The following MAPK12 variants were observed in gnomAD, a reference collection of about 807,000 sequenced individuals.
The protein encoded by MAPK12 is mitogen-activated protein kinase 12.
MAPK12 carries 49 observed loss-of-function variants against 49.1 expected under a neutral mutation model. That is an observed-to-expected ratio of 1.00 (90% CI 0.79 to 1.27). The LOEUF (loss-of-function observed/expected upper bound fraction) is 1.27, where lower values mean the gene tolerates loss of function less well. Among genes scored for constraint, MAPK12 ranks in the 50% most tolerant of loss-of-function variants. The probability of loss-of-function intolerance (pLI) is 0.00; values close to 1 mark genes in which losing one functional copy is unlikely to be tolerated. For missense variants in MAPK12, 554 were observed against 502.4 expected (o/e 1.10, Z -0.98); for synonymous variants, 251 against 209.7 (o/e 1.20, Z -1.70).
intron 2 of MAPK12, among the ~76,000 whole-genome samples, chr22:50,258,950 T>G (rs1462757015): frequency 6.6e-6 from 1 of 152,046 alleles, no homozygotes; most frequent in Non-Finnish European, 1.5e-5. Flanking sequence ...CTTGGATAGT[T>G]TGAAGAATAC....
At chr22:50,254,972 TC>T (rs766927167) in intron 11 of MAPK12, 2 of 1,426,560 alleles carry the variant, frequency 1.4e-6, no homozygotes, top group Non-Finnish European at 1.8e-6. Flanking sequence ...TGCCCTGACC[TC>T]CCATCCTCCT....
chr22:50,257,667 C>T (rs1027567405), intron 3 of MAPK12: 11 of 590,394 alleles, frequency 1.9e-5, no homozygotes, highest in African/African-American at 7.5e-5. Context: ...TCGGCTGGGC[C>T]GGTGGAGACA....
At chr22:50,259,649 G>A (rs538509807) in intron 2 of MAPK12, among the ~76,000 whole-genome samples, 44 of 152,232 alleles carry the variant, frequency 2.9e-4, no homozygotes, top group African/African-American at 9.9e-4. Flanking sequence ...TTGGGAAGCC[G>A]AGGCGAGCAG....
chr22:50,260,478 A>C (rs1043753581), intron 2 of MAPK12, among the ~76,000 whole-genome samples: 1 of 152,096 alleles, frequency 6.6e-6, no homozygotes, highest in African/African-American at 2.4e-5. Flanking sequence ...TCGGGTTCTT[A>C]GCAGCCAGCC....
Position 50,253,030 on chromosome 22 carries a change from C to G in MAPK12, c.*371G>C. The G allele has an allele frequency of 3.0e-6, 1 of 335,846 alleles. No individual in the cohort carries two copies. The highest frequency in any genetic ancestry group is 5.7e-6 in the Non-Finnish European group (1 of 174,130). 20.8% of individuals were successfully genotyped at this position (335,846 alleles called of 1,614,324 possible). On this transcript the variant is annotated 3_prime_UTR_variant, in exon 12 of 12. Transcript: ENST00000215659. Reference sequence around the variant, plus strand: ...GAGAGGGGATGTCCCTGAGTTGGTGCCCTGCGCCCACCCTCTGTCCTTCCT... The same window carrying G: ...GAGAGGGGATGTCCCTGAGTTGGTGGCCTGCGCCCACCCTCTGTCCTTCCT...
chr22:50,256,852 A>G, intron 5 of MAPK12, 83 bp downstream of exon 5: 5 of 1,562,596 alleles, frequency 3.2e-6, no homozygotes, highest in Non-Finnish European at 4.3e-6. Context: ...CCCAGACCCC[A>G]TCACATCCTC....
chr22:50,254,218 A>G (rs1017022293), intron 11 of MAPK12: 2 of 152,844 alleles, frequency 1.3e-5, no homozygotes, highest in Non-Finnish European at 2.9e-5. Flanking sequence ...AGTTGAGGGG[A>G]TAGCCCCTGG....
At chr22:50,257,736 T>G (rs2065164965) in intron 3 of MAPK12, 1 of 644,842 alleles carries the variant, frequency 1.6e-6, no homozygotes, top group Admixed American at 2.5e-5. Context: ...CCTCTGCAAG[T>G]CAGGCGGGAG....
chr22:50,261,123 G>A (rs1186701126), intron 2 of MAPK12, 44 bp downstream of exon 2: 3 of 1,528,172 alleles, frequency 2.0e-6, no homozygotes, highest in Non-Finnish European at 2.6e-6. Context: ...GCTGAACCAA[G>A]CCGAGGCCGC....
At chr22:50,259,839 G>A (rs1364222593) in intron 2 of MAPK12, among the ~76,000 whole-genome samples, 1 of 151,608 alleles carries the variant, frequency 6.6e-6, no homozygotes, top group Admixed American at 6.6e-5. Flanking sequence ...AGCTGAGATC[G>A]TGCCATTGCA....
Position 50,261,436 on chromosome 22 carries a change from G to A in MAPK12, c.74C>T (p.Ala25Val), listed in dbSNP as rs1183544107. The A allele has an allele frequency of 1.6e-6, 2 of 1,275,394 alleles. No individual in the cohort carries two copies. Among genetic ancestry groups the A allele is most frequent in the Non-Finnish European group, 2.0e-6 (2 of 987,992 alleles). The allele number at this position is 1,275,394 out of a possible 1,614,324, so 79.0% of individuals were successfully genotyped here. A position where few individuals can be genotyped will look rare whatever the true frequency, so the allele number is the denominator to read the frequency against. The change falls in exon 1 of 12, where the codon GCC (alanine) becomes GTC (valine). Residue 25 changes from alanine (A) to valine (V), a missense_variant. Ala to Val is a moderately conservative substitution (Grantham distance 64). Transcript: ENST00000215659. The stretch of plus-strand genomic sequence containing the variant: ...CACGGGCTGCAGGTCCCGGTACACG[G>A]CGCGCACCTCCCAGGCCGTCTTGGT... ...EVTKTAWEVR[A>V]VYRDLQPVGS...
At position 50,253,036 on chromosome 22, in the gene MAPK12, G is replaced by A. The variant is rs562079602; in HGVS notation, c.*365C>T. The A allele has an allele frequency of 2.9e-5, 10 of 340,944 alleles. 1 individual carries two copies. Among genetic ancestry groups the A allele is most frequent in the Non-Finnish European group, 5.1e-5 (9 of 177,280 alleles). 21.1% of individuals were successfully genotyped at this position (340,944 alleles called of 1,614,324 possible). A position where few individuals can be genotyped will look rare whatever the true frequency, so the allele number is the denominator to read the frequency against. On this transcript the variant is annotated 3_prime_UTR_variant, in exon 12 of 12. Coordinates refer to ENST00000215659, the MANE Select transcript of MAPK12 (RefSeq NM_002969.6). Reference sequence around the variant, plus strand: ...GGATGTCCCTGAGTTGGTGCCCTGCGCCCACCCTCTGTCCTTCCTCTGCAT... The same window carrying A: ...GGATGTCCCTGAGTTGGTGCCCTGCACCCACCCTCTGTCCTTCCTCTGCAT...
intron 11 of MAPK12, chr22:50,254,910 A>C: frequency 1.5e-6 from 2 of 1,308,244 alleles, no homozygotes; most frequent in Non-Finnish European, 2.0e-6. Flanking sequence ...CCTTCCCTTC[A>C]ACTTCCAGCT....
intron 2 of MAPK12, among the ~76,000 whole-genome samples, chr22:50,258,522 G>A (rs2065176534): frequency 6.6e-6 from 1 of 152,256 alleles, no homozygotes; most frequent in Admixed American, 6.5e-5. Context: ...CCCACAGAAA[G>A]GTTATTTTTG....
At chr22:50,253,502 G>GGGGGGGGTA in intron 11 of MAPK12, 22 bp from the exon 12 acceptor site, 1 of 171,686 alleles carries the variant, frequency 5.8e-6, no homozygotes. Flanking sequence ...GGGGGGGCGG[G>GGGGGGGGTA]CACAACAGAG....
intron 7 of MAPK12, 32 bp from the exon 8 acceptor site, chr22:50,255,913 C>T (rs779972826): frequency 6.2e-7 from 1 of 1,601,554 alleles, no homozygotes; most frequent in Non-Finnish European, 8.5e-7. Context: ...GCTCCGTGGG[C>T]AGGGGGACAG....
chr22:50,256,992 T>C lies in MAPK12; in HGVS notation c.427-28A>G, dbSNP rs562124905. On this transcript the variant is annotated intron_variant, in intron 4 of 11. Transcript: ENST00000215659. The stretch of plus-strand genomic sequence containing the variant: ...GCGGGGGGCAGAGGATTTGGCAGGC[T>C]TCAGCGCACCCTCTCAGAGCCACAG... The C allele has an allele frequency of 3.7e-5, 59 of 1,605,814 alleles. 1 individual carries two copies. In the Admixed American group the frequency reaches 9.5e-4, roughly 26 times the overall value.
At chr22:50,257,986 G>A (rs1164805789) in intron 3 of MAPK12, 2 of 750,744 alleles carry the variant, frequency 2.7e-6, no homozygotes, top group African/African-American at 1.7e-5. Flanking sequence ...CACCTCCGGT[G>A]CTGGAGAGGG....
rs1192694720 is a variant in MAPK12 at position 50,256,191 on chromosome 22, G to A, written c.513C>T (p.Asp171=). Residue 171 remains aspartate, a synonymous_variant, in exon 7 of 12, where the codon GAC becomes GAT. Transcript: ENST00000215659. ...TGTCTGCCTGCCTGGCCAGGCCGAA[G>A]TCCAGGATCTGTGGGAAGAATTGGG... ...VNEDCELKIL[D]FGLARQADSE... is the part of the protein sequence containing the mutation. 3.1e-6 allele frequency: 5 copies of A among 1,611,768 alleles called. No individual in the cohort carries two copies. In the South Asian group the frequency reaches 3.3e-5, roughly 11 times the overall value.
Sources: gnomAD v4.1 joint callset for allele counts (sites outside exome capture counted in the v4.1 genomes callset) on GRCh38, gnomAD v4.1.1 for gene constraint, MANE v1.5 for transcripts, NCBI Gene and HGNC (gene_info 2026-07-23, HGNC 2026-07-21) for gene names.